ADGRL2: variants seen among roughly 807,000 people sequenced by gnomAD.
ADGRL2 encodes the protein calcium-independent alpha-latrotoxin receptor 2.
A neutral mutation model predicts 157.4 loss-of-function variants in ADGRL2; 44 were observed. That is an observed-to-expected ratio of 0.28 (90% CI 0.22 to 0.36). ADGRL2 has a LOEUF of 0.36. Among genes scored for constraint, ADGRL2 ranks in the 10% least tolerant of loss-of-function variants. The pLI, the probability that ADGRL2 is intolerant of heterozygous loss-of-function variation, is 1.00. For synonymous variants in ADGRL2, 585 were observed against 624.7 expected, an observed-to-expected ratio of 0.94 and a Z score of 0.95; for missense variants, 1,510 against 1,768.9, an observed-to-expected ratio of 0.85 and a Z score of 2.63.
intron 2 of ADGRL2, among the ~76,000 whole-genome samples, chr1:81,482,481 TAAA>T (rs2078411010): frequency 1.3e-3 from 1 of 772 alleles, no homozygotes; most frequent in Non-Finnish European, 5.6e-3. Flanking sequence ...TATTGATACT[TAAA>T]TACTTAATTT....
At chr1:81,403,170 G>A (rs1438420654) in intron 1 of ADGRL2, among the ~76,000 whole-genome samples, 6 of 151,524 alleles carry the variant, frequency 4.0e-5, no homozygotes, top group East Asian at 1.9e-4. Flanking sequence ...ATTAATCCCA[G>A]AATAGTAACA....
At chr1:81,973,940 A>AAT (rs5775658) in intron 17 of ADGRL2, among the ~76,000 whole-genome samples, 34,823 of 151,486 alleles carry the variant, frequency 0.23, 4,231 homozygotes, top group Admixed American at 0.27. Flanking sequence ...GTGGGGAAAA[A>AAT]ATATATATAT....
In ADGRL2 at chr1:81,852,148, C is replaced by T. The variant is rs570650100; in HGVS notation, c.73+15091C>T. On this transcript the variant is annotated intron_variant, in intron 2 of 23. Transcript: ENST00000686636. ...AACATCTAATGGTTCATTACCACCT[C>T]GTTTTAAAACAATAGTGATATCTCT... Among the ~76,000 whole-genome samples the T allele has an allele frequency of 2.0e-4, 31 of 152,072 alleles. No homozygotes were observed. In the South Asian group the frequency reaches 6.2e-3, roughly 31 times the overall value.
chr1:81,688,703 T>A (rs1406277068), intron 3 of ADGRL2, among the ~76,000 whole-genome samples: 1 of 152,126 alleles, frequency 6.6e-6, no homozygotes, highest in Non-Finnish European at 1.5e-5. Flanking sequence ...TTTGGATCCA[T>A]TGCTGGTGAA....
chr1:81,724,529 C>T (rs562245133), intron 1 of ADGRL2, among the ~76,000 whole-genome samples: 4 of 152,194 alleles, frequency 2.6e-5, no homozygotes, highest in East Asian at 1.9e-4. Flanking sequence ...CCCCCACCTC[C>T]GCTTGCTTTC....
chr1:81,933,062 A>G (rs2095257899), intron 3 of ADGRL2, among the ~76,000 whole-genome samples: 1 of 152,170 alleles, frequency 6.6e-6, no homozygotes, highest in Non-Finnish European at 1.5e-5. Context: ...TGAGGACCAC[A>G]TTTTGGAAAC....
At chr1:81,878,009 C>A (rs1002459686) in intron 2 of ADGRL2, among the ~76,000 whole-genome samples, 1 of 151,970 alleles carries the variant, frequency 6.6e-6, no homozygotes, top group Non-Finnish European at 1.5e-5. Flanking sequence ...CATAATTTTC[C>A]ATTTGTTTGC....
intron 1 of ADGRL2, among the ~76,000 whole-genome samples, chr1:81,759,487 C>T (rs888495470): frequency 6.6e-6 from 1 of 152,074 alleles, no homozygotes; most frequent in African/African-American, 2.4e-5. Context: ...TTGCAAAATT[C>T]AAAACATTTA....
At chr1:81,457,802 G>C (rs1008741135) in intron 2 of ADGRL2, among the ~76,000 whole-genome samples, 6 of 152,090 alleles carry the variant, frequency 3.9e-5, no homozygotes, top group African/African-American at 1.4e-4. Context: ...TCCAAATGGA[G>C]GCCTCACATC....
In ADGRL2 at chr1:81,924,948, TAAC is replaced by T. The variant is rs368556447; in HGVS notation, c.288-11775_288-11773del. Among the ~76,000 whole-genome samples, 85 of 152,262 alleles carry T rather than the reference TAAC, an allele frequency of 5.6e-4. 2 individuals carry two copies. Among genetic ancestry groups the T allele is most frequent in the African/African-American group, 2.0e-3 (84 of 41,576 alleles). On this transcript the variant is annotated intron_variant, in intron 3 of 23. Transcript: ENST00000686636. ...TATTTGTTATTAAGCACATACTTGC[TAAC>T]AACATTTTTAAATTAAGGGAGAAGG...
intron 1 of ADGRL2, among the ~76,000 whole-genome samples, chr1:81,715,942 G>T (rs2084103055): frequency 6.6e-6 from 1 of 152,152 alleles, no homozygotes; most frequent in South Asian, 2.1e-4. Context: ...CAATGCTAAA[G>T]TTAGGGATGG....
chr1:81,454,870 T>G lies in ADGRL2; in HGVS notation c.-248+9781T>G, dbSNP rs555710567. ...GATAAGTTCCCATAATTTTAAAGCC[T>G]GTGCCGTTCTGTGGTTTGATCAATA... On this transcript the variant is annotated intron_variant, in intron 2 of 24. Coordinates refer to the ADGRL2 transcript ENST00000370721. Among the ~76,000 whole-genome samples the G allele has an allele frequency of 7.9e-5, 12 of 152,300 alleles. No homozygotes were observed. The South Asian group carries it at 2.5e-3, about 32-fold the overall frequency.
intron 2 of ADGRL2, among the ~76,000 whole-genome samples, chr1:81,558,160 C>A (rs2080357121): frequency 1.3e-5 from 2 of 152,016 alleles, no homozygotes; most frequent in Non-Finnish European, 2.9e-5. Flanking sequence ...CTTCCATGTG[C>A]AAAGTAGAAG....
intron 3 of ADGRL2, among the ~76,000 whole-genome samples, chr1:81,633,505 A>G (rs1275988438): frequency 6.7e-6 from 1 of 149,566 alleles, no homozygotes; most frequent in East Asian, 2.0e-4. Flanking sequence ...CTGAGGCAGG[A>G]GAATCACTTG....
chr1:81,477,207 C>A (rs1461446147), intron 2 of ADGRL2, among the ~76,000 whole-genome samples: 1 of 152,168 alleles, frequency 6.6e-6, no homozygotes, highest in South Asian at 2.1e-4. Flanking sequence ...GATTATTATA[C>A]CCATTTTACA....
chr1:81,810,048 T>TG (rs2089664569), intron 1 of ADGRL2, among the ~76,000 whole-genome samples: 1 of 151,862 alleles, frequency 6.6e-6, no homozygotes, highest in Admixed American at 6.6e-5. Flanking sequence ...ACTTGACTGC[T>TG]GGGGGTGGGT....
intron 3 of ADGRL2, among the ~76,000 whole-genome samples, chr1:81,693,054 A>C (rs1431618774): frequency 6.6e-6 from 1 of 152,194 alleles, no homozygotes; most frequent in African/African-American, 2.4e-5. Context: ...AGGTAGGCCT[A>C]GAGTGCAGGT....
chr1:81,917,840 A>G (rs1180431547), intron 3 of ADGRL2, among the ~76,000 whole-genome samples: 1 of 131,096 alleles, frequency 7.6e-6, no homozygotes, highest in Admixed American at 7.6e-5. Context: ...GTCTCTAAAG[A>G]TAGATTCATG....
chr1:81,980,116 T>C (rs1558042359), intron 18 of ADGRL2, among the ~76,000 whole-genome samples, 156 bp downstream of exon 18: 1 of 151,756 alleles, frequency 6.6e-6, no homozygotes, highest in East Asian at 1.9e-4. Flanking sequence ...ACTATATCAC[T>C]GATACTGGTC....
Sources: allele counts gnomAD v4.1 joint callset (sites outside exome capture counted in the v4.1 genomes callset), GRCh38; gene constraint gnomAD v4.1.1; transcripts MANE v1.5; gene names NCBI Gene and HGNC (gene_info 2026-07-23, HGNC 2026-07-21).